Variants in FGF14 observed in about 807,000 individuals in gnomAD.
The protein encoded by FGF14 is fibroblast growth factor homologous factor 4.
FGF14 carries 5 observed loss-of-function variants against 25.5 expected under a neutral mutation model. That is an observed-to-expected ratio of 0.20 (90% CI 0.10 to 0.41). The LOEUF (loss-of-function observed/expected upper bound fraction) is 0.41. Among genes scored for constraint, FGF14 ranks in the 10% least tolerant of loss-of-function variants. The probability of loss-of-function intolerance (pLI) is 1.00; values close to 1 mark genes in which losing one functional copy is unlikely to be tolerated. For synonymous variants in FGF14, 138 were observed against 118.3 expected, an observed-to-expected ratio of 1.17 and a Z score of -1.08; for missense variants, 222 against 320.1, an observed-to-expected ratio of 0.69 and a Z score of 2.34.
intron 1 of FGF14, among the ~76,000 whole-genome samples, chr13:102,154,015 T>A (rs1400493928): frequency 6.6e-6 from 1 of 152,210 alleles, no homozygotes; most frequent in Non-Finnish European, 1.5e-5. Flanking sequence ...AGGCAGACTT[T>A]GTCTCTGGGT....
At chr13:102,260,121 G>A (rs1006630020) in intron 1 of FGF14, among the ~76,000 whole-genome samples, 3 of 152,006 alleles carry the variant, frequency 2.0e-5, no homozygotes, top group African/African-American at 7.2e-5. Context: ...GGAGGAAGAG[G>A]AAGAGAGAAG....
chr13:102,135,148 T>C (rs535905327), intron 1 of FGF14, among the ~76,000 whole-genome samples: 1 of 152,116 alleles, frequency 6.6e-6, no homozygotes, highest in Non-Finnish European at 1.5e-5. Flanking sequence ...TTCAAGGCTA[T>C]AGTAAGCTAT....
chr13:102,213,212 T>A (rs1481469266), intron 1 of FGF14, among the ~76,000 whole-genome samples: 1 of 152,216 alleles, frequency 6.6e-6, no homozygotes, highest in African/African-American at 2.4e-5. Flanking sequence ...TGCCGTTACC[T>A]TTTAGAAACA....
At chr13:102,011,602 T>A (rs953051892) in intron 1 of FGF14, among the ~76,000 whole-genome samples, 2 of 152,128 alleles carry the variant, frequency 1.3e-5, no homozygotes, top group Non-Finnish European at 2.9e-5. Context: ...AGCTTATCCA[T>A]AGCTGAGAGC....
intron 1 of FGF14, among the ~76,000 whole-genome samples, chr13:102,096,899 T>A (rs1044357156): frequency 6.6e-6 from 1 of 152,194 alleles, no homozygotes; most frequent in Non-Finnish European, 1.5e-5. Flanking sequence ...CCACAAGACA[T>A]GTTTTCAGCC....
At chr13:102,086,550 G>A (rs1296366220) in intron 1 of FGF14, among the ~76,000 whole-genome samples, 1 of 152,066 alleles carries the variant, frequency 6.6e-6, no homozygotes, top group Non-Finnish European at 1.5e-5. Context: ...AAGTGCTTCC[G>A]ACCTTATTTT....
chr13:101,986,901 T>G (rs1000637317), intron 1 of FGF14, among the ~76,000 whole-genome samples: 6 of 150,980 alleles, frequency 4.0e-5, no homozygotes, highest in African/African-American at 1.5e-4. Flanking sequence ...TCTTTGTCTC[T>G]GTCTTTCTCT....
chr13:102,013,689 G>GT (rs1157982317), intron 1 of FGF14, among the ~76,000 whole-genome samples: 1 of 152,098 alleles, frequency 6.6e-6, no homozygotes, highest in Middle Eastern at 3.2e-3. Flanking sequence ...TCTCAGAAGC[G>GT]TAAGGTTGCC....
chr13:102,189,709 A>C (rs1228045106), intron 1 of FGF14, among the ~76,000 whole-genome samples: 2 of 152,104 alleles, frequency 1.3e-5, no homozygotes, highest in East Asian at 1.9e-4. Flanking sequence ...ATGTATAACC[A>C]AGAGTTTTAT....
intron 1 of FGF14, among the ~76,000 whole-genome samples, chr13:102,208,179 A>C (rs991529269): frequency 2.0e-5 from 3 of 152,200 alleles, no homozygotes; most frequent in Non-Finnish European, 4.4e-5. Context: ...GGAAAGGCAG[A>C]ATCGCTCCAC....
At chr13:102,046,299 C>A (rs1026730354) in intron 1 of FGF14, among the ~76,000 whole-genome samples, 7 of 151,984 alleles carry the variant, frequency 4.6e-5, no homozygotes, top group Non-Finnish European at 8.8e-5. Context: ...TTAACTGCAC[C>A]TACAAATAAA....
chr13:101,991,593 A>G (rs1039888695), intron 1 of FGF14, among the ~76,000 whole-genome samples: 5 of 152,146 alleles, frequency 3.3e-5, no homozygotes, highest in African/African-American at 7.2e-5. Context: ...GCTTAGATCT[A>G]TAAGGGAATT....
intron 1 of FGF14, among the ~76,000 whole-genome samples, chr13:102,344,900 T>C (rs547619248): frequency 1.3e-5 from 2 of 152,340 alleles, no homozygotes; most frequent in African/African-American, 4.8e-5. Context: ...TACTGGTAGC[T>C]TGATGTACCT....
chr13:101,732,431 T>C (rs1259722926), intron 3 of FGF14, among the ~76,000 whole-genome samples: 1 of 152,116 alleles, frequency 6.6e-6, no homozygotes, highest in Non-Finnish European at 1.5e-5. Context: ...TAGCACATAA[T>C]AAATACATGA....
At chr13:102,145,454 C>T (rs2046816870) in intron 1 of FGF14, among the ~76,000 whole-genome samples, 1 of 152,114 alleles carries the variant, frequency 6.6e-6, no homozygotes, top group African/African-American at 2.4e-5. Flanking sequence ...CATTATGCTG[C>T]TGAATTAACC....
intron 2 of FGF14, among the ~76,000 whole-genome samples, chr13:101,871,136 T>C (rs965020142): frequency 1.3e-5 from 2 of 152,138 alleles, no homozygotes; most frequent in African/African-American, 2.4e-5. Flanking sequence ...CCCACATTAA[T>C]TGAGATATAA....
Position 102,080,769 on chromosome 13 carries a change from G to A in FGF14, c.209-205473C>T, listed in dbSNP as rs141596275. Among the ~76,000 whole-genome samples the A allele has an allele frequency of 1.2e-3, 186 of 152,320 alleles. 2 individuals are homozygous for A. Among genetic ancestry groups the A allele is most frequent in the African/African-American group, 4.2e-3 (175 of 41,582 alleles). On this transcript the variant is annotated intron_variant, in intron 1 of 4. Coordinates refer to the FGF14 transcript ENST00000376131. ...GCTGGGCTCCAGAAGAGTTCATCATGTTCTGTGGGAATAATCTAATTTACC... is the reference window on the plus strand; with the variant it reads ...GCTGGGCTCCAGAAGAGTTCATCATATTCTGTGGGAATAATCTAATTTACC...
intron 1 of FGF14, among the ~76,000 whole-genome samples, chr13:102,027,270 A>T (rs1037755646): frequency 1.3e-5 from 2 of 151,234 alleles, no homozygotes; most frequent in African/African-American, 4.8e-5. Flanking sequence ...AAATAGTATA[A>T]TATGCATTAT....
chr13:101,790,805 A>C (rs760891921), intron 3 of FGF14, among the ~76,000 whole-genome samples: 1 of 152,298 alleles, frequency 6.6e-6, no homozygotes, highest in South Asian at 2.1e-4. Flanking sequence ...ATCTTGGATC[A>C]CATTATGATA....
Sources: allele counts gnomAD v4.1 joint callset (sites outside exome capture counted in the v4.1 genomes callset), GRCh38; gene constraint gnomAD v4.1.1; transcripts MANE v1.5; gene names NCBI Gene and HGNC (gene_info 2026-07-23, HGNC 2026-07-21).